The following LGMN variants were observed in gnomAD, a reference collection of about 807,000 sequenced individuals.
LGMN encodes the protein asparaginyl endopeptidase.
A neutral mutation model predicts 56.8 loss-of-function variants in LGMN; 36 were observed. The ratio of observed to expected loss-of-function variants is 0.63; its 90% CI spans 0.49 to 0.84. The LOEUF is 0.84. Ranked by LOEUF, LGMN falls within the 40% of genes least tolerant of loss-of-function variation. LGMN has a pLI of 0.00. For missense variants in LGMN, 446 were observed against 556.1 expected, an observed-to-expected ratio of 0.80 and a Z score of 1.99; for synonymous variants, 199 against 210.1, an observed-to-expected ratio of 0.95 and a Z score of 0.46.
At chr14:92,720,876 T>G (rs1425842787) in intron 2 of LGMN, among the ~76,000 whole-genome samples, 1 of 152,050 alleles carries the variant, frequency 6.6e-6, no homozygotes, top group Non-Finnish European at 1.5e-5. Flanking sequence ...ATGTCATTTT[T>G]GTTTATTTTT....
Position 92,716,152 on chromosome 14 carries a change from C to G in LGMN, c.388G>C (p.Gly130Arg). The change falls in exon 5 of 14, where the codon GGC (glycine) becomes CGC (arginine). Residue 130 changes from glycine (G) to arginine (R), a missense_variant. By Grantham distance (125) the Gly-to-Arg change is moderately radical. Coordinates refer to ENST00000334869, the MANE Select transcript of LGMN (RefSeq NM_005606.7). ...AGACATTACCTCTTCAGGACTTTGC[C>G]GGATCCTATGCCCTTCACTGCTTCT... ...DAEAVKGIGS[G>R]KVLKSGPQDH... The G allele has an allele frequency of 6.2e-7, 1 of 1,611,608 alleles. No homozygotes were observed. The highest frequency in any genetic ancestry group is 8.5e-7 in the Non-Finnish European group (1 of 1,178,436).
intron 1 of LGMN, among the ~76,000 whole-genome samples, chr14:92,733,331 A>G (rs1231726663): frequency 6.6e-6 from 1 of 152,082 alleles, no homozygotes; most frequent in Non-Finnish European, 1.5e-5. Flanking sequence ...ATACCTCCCA[A>G]TCTTCACTAC....
intron 4 of LGMN, among the ~76,000 whole-genome samples, chr14:92,716,673 G>A (rs909067934): frequency 2.0e-5 from 3 of 151,878 alleles, no homozygotes; most frequent in East Asian, 1.9e-4. Context: ...CATTAAATAC[G>A]GTCATCTTTT....
At chr14:92,738,125 C>T (rs1426152407) in intron 1 of LGMN, among the ~76,000 whole-genome samples, 1 of 152,108 alleles carries the variant, frequency 6.6e-6, no homozygotes, top group Non-Finnish European at 1.5e-5. Context: ...AACAACAGAA[C>T]GGACACCACC....
intron 1 of LGMN, among the ~76,000 whole-genome samples, chr14:92,744,502 A>C (rs2140285202): frequency 6.6e-6 from 1 of 152,124 alleles, no homozygotes; most frequent in Middle Eastern, 3.4e-3. Flanking sequence ...CCAATACCTC[A>C]TTAATGAGTT....
chr14:92,717,911 C>T (rs1488207742), intron 3 of LGMN, among the ~76,000 whole-genome samples: 1 of 152,172 alleles, frequency 6.6e-6, no homozygotes, highest in African/African-American at 2.4e-5. Flanking sequence ...TAGCGTCCTT[C>T]ACCGCAGCAG....
intron 1 of LGMN, chr14:92,742,970 G>A (rs1480789667): frequency 6.6e-6 from 1 of 150,930 alleles, no homozygotes; most frequent in Non-Finnish European, 1.5e-5. Context: ...GGAAGTCAAG[G>A]CTATAGTGAA....
intron 2 of LGMN, among the ~76,000 whole-genome samples, chr14:92,723,079 T>C (rs1242115): frequency 0.68 from 103,572 of 151,358 alleles, 36,922 homozygotes; most frequent in East Asian, 0.91. Flanking sequence ...CAGAGTCTTG[T>C]TCTGTCGCCC....
intron 5 of LGMN, among the ~76,000 whole-genome samples, chr14:92,715,313 G>A (rs867335361): frequency 6.6e-6 from 1 of 151,430 alleles, no homozygotes; most frequent in South Asian, 2.1e-4. Context: ...CCACCTCCTG[G>A]ATTCAAGCAA....
At chr14:92,722,118 G>T (rs1890506073) in intron 2 of LGMN, among the ~76,000 whole-genome samples, 1 of 151,890 alleles carries the variant, frequency 6.6e-6, no homozygotes, top group Non-Finnish European at 1.5e-5. Context: ...CAGGAGCTTG[G>T]TCTCTGAAGG....
At chr14:92,745,106 T>C (rs1193190967) in intron 1 of LGMN, among the ~76,000 whole-genome samples, 1 of 152,138 alleles carries the variant, frequency 6.6e-6, no homozygotes, top group African/African-American at 2.4e-5. Context: ...GAGACTGGCC[T>C]GGGCAAGATA....
intron 2 of LGMN, among the ~76,000 whole-genome samples, chr14:92,719,927 C>A (rs956577557): frequency 6.6e-6 from 1 of 152,208 alleles, no homozygotes; most frequent in African/African-American, 2.4e-5. Context: ...GTGTGCCCAG[C>A]GATTTGTCTC....
intron 5 of LGMN, among the ~76,000 whole-genome samples, chr14:92,715,294 C>G (rs1890017796): frequency 6.6e-6 from 1 of 151,998 alleles, no homozygotes; most frequent in South Asian, 2.1e-4. Context: ...TCTTGCCTCA[C>G]TGCAACCTCC....
chr14:92,712,616 C>A (rs1566918414), intron 8 of LGMN, 189 bp downstream of exon 8: 1 of 601,572 alleles, frequency 1.7e-6, no homozygotes, highest in Non-Finnish European at 3.0e-6. Context: ...CATACAGATT[C>A]TTTATTCCCT....
rs113476572 is a variant in LGMN at position 92,721,133 on chromosome 14, C to T, written c.139-2289G>A. On this transcript the variant is annotated intron_variant, in intron 2 of 13. Coordinates refer to ENST00000334869, the MANE Select transcript of LGMN (RefSeq NM_005606.7). The stretch of plus-strand genomic sequence containing the variant: ...TCTCGAACTCCTGGGCTCAAGCGAT[C>T]CTCCCACCTTGGATAGAGAGTGCTT... Among the ~76,000 whole-genome samples, 1,483 of 152,290 alleles carry T rather than the reference C, an allele frequency of 9.7e-3. 30 individuals are homozygous for T. The highest frequency in any genetic ancestry group is 0.033 in the African/African-American group (1,379 of 41,562).
At position 92,711,766 on chromosome 14, in the gene LGMN, A is replaced by G. The variant is rs753187096; in HGVS notation, c.730-18T>C. 3.7e-6 allele frequency: 6 copies of G among 1,613,188 alleles called. No homozygotes were observed. The highest frequency in any genetic ancestry group is 1.7e-5 in the Admixed American group (1 of 60,010). ...AGATCTTCCTGCAAAAAGTGAGACC[A>G]TTAGAGACCTTTGACAATCAGAGTC... On this transcript the variant is annotated intron_variant, in intron 9 of 13. Transcript: ENST00000334869.
At chr14:92,722,316 AATT>A (rs1890516192) in intron 2 of LGMN, among the ~76,000 whole-genome samples, 1 of 152,156 alleles carries the variant, frequency 6.6e-6, no homozygotes, top group African/African-American at 2.4e-5. Context: ...TCACACCTGT[AATT>A]CTAGCACTTT....
At chr14:92,706,795 T>C in intron 11 of LGMN, 142 bp from the exon 12 acceptor site, 1 of 708,668 alleles carries the variant, frequency 1.4e-6, no homozygotes, top group Non-Finnish European at 2.0e-6. Flanking sequence ...ACAATCAATG[T>C]GCTCCGAGAA....
rs768181439 is a variant in LGMN at position 92,706,482 on chromosome 14, C to T, written c.1191+1G>A. 5.2e-6 allele frequency: 8 copies of T among 1,538,796 alleles called. No individual in the cohort carries two copies. Among genetic ancestry groups the T allele is most frequent in the Non-Finnish European group, 7.1e-6 (8 of 1,130,362 alleles). On this transcript the variant is annotated splice_donor_variant, in intron 12 of 13. Coordinates refer to ENST00000334869, the MANE Select transcript of LGMN (RefSeq NM_005606.7). LOFTEE classifies it high-confidence loss of function. Reference sequence around the variant, plus strand: ...GTCATGGGGAGAGCCTGCTGGCTCACCGTGGGGGAGTGCCAGTTGAAGCAG... The same window carrying T: ...GTCATGGGGAGAGCCTGCTGGCTCATCGTGGGGGAGTGCCAGTTGAAGCAG...
Sources: allele counts gnomAD v4.1 joint callset (sites outside exome capture counted in the v4.1 genomes callset), GRCh38; gene constraint gnomAD v4.1.1; transcripts MANE v1.5; gene names NCBI Gene and HGNC (gene_info 2026-07-23, HGNC 2026-07-21).